The following HACD3 variants were observed in gnomAD, a reference collection of about 807,000 sequenced individuals.
The protein encoded by HACD3 is very-long-chain (3R)-3-hydroxyacyl-CoA dehydratase 3.
In HACD3, 30 loss-of-function variants were observed where a neutral mutation model predicts 55.2. That is an observed-to-expected ratio of 0.54 (90% CI 0.41 to 0.74). HACD3 has a LOEUF of 0.74. Ranked by LOEUF, HACD3 falls within the 30% of genes least tolerant of loss-of-function variation. The probability of loss-of-function intolerance (pLI) is 0.00; values close to 1 mark genes in which losing one functional copy is unlikely to be tolerated. For missense variants in HACD3, 363 were observed against 440.1 expected (o/e 0.82, Z 1.57); for synonymous variants, 141 against 151.7 (o/e 0.93, Z 0.52).
intron 10 of HACD3, among the ~76,000 whole-genome samples, chr15:65,576,026 G>A (rs991931986): frequency 2.6e-5 from 4 of 152,184 alleles, no homozygotes; most frequent in African/African-American, 4.8e-5. Flanking sequence ...CCCAGGAGGC[G>A]GAGGTTGCAG....
intron 1 of HACD3, among the ~76,000 whole-genome samples, chr15:65,545,610 ATT>A (rs71139415): frequency 0.86 from 123,292 of 143,286 alleles, 53,811 homozygotes; most frequent in East Asian, 0.95. Context: ...GGCCCGGCTA[ATT>A]TTTTTTTTTT....
Position 65,547,404 on chromosome 15 carries a change from C to T in HACD3, c.88-4272C>T, listed in dbSNP as rs184862880. On this transcript the variant is annotated intron_variant, in intron 1 of 10. Coordinates refer to ENST00000261875, the MANE Select transcript of HACD3 (RefSeq NM_016395.4). ...TGCTGGGATTACAGGCATGAGCCAC[C>T]GCGCCCGGCCAAGTACCCATGATTT... 2.4e-4 allele frequency among the ~76,000 whole-genome samples: 36 copies of T among 152,306 alleles called. No individual in the cohort carries two copies. The East Asian group carries it at 5.0e-3, about 21-fold the overall frequency.
intron 7 of HACD3, among the ~76,000 whole-genome samples, chr15:65,568,515 C>T (rs147610601): frequency 1.8e-3 from 267 of 151,894 alleles, no homozygotes; most frequent in African/African-American, 5.9e-3. Flanking sequence ...TCTGCCACCA[C>T]GCCTGGCTAA....
chr15:65,570,146 A>G lies in HACD3; in HGVS notation c.716A>G (p.Gln239Arg), dbSNP rs916718280. ...FIIFGTMEEM[Q>R]NKAVVFFVFY... The stretch of plus-strand genomic sequence containing the variant: ...ATCTTTGGCACCATGGAAGAAATGC[A>G]GAACAAAGCTGTGGTTTTCTTTGTG... Residue 239 changes from glutamine (Q) to arginine (R), a missense_variant, in exon 8 of 11, where the codon CAG (glutamine) becomes CGG (arginine). Transcript: ENST00000261875. The G allele has an allele frequency of 9.3e-6, 15 of 1,613,210 alleles. No homozygotes were observed. Among genetic ancestry groups the G allele is most frequent in the Non-Finnish European group, 1.2e-5 (14 of 1,179,504 alleles).
intron 1 of HACD3, among the ~76,000 whole-genome samples, chr15:65,539,391 A>G (rs1235471575): frequency 5.3e-5 from 8 of 151,362 alleles, no homozygotes; most frequent in Non-Finnish European, 8.8e-5. Context: ...CTGCTAATTT[A>G]TGTATTTTTA....
chr15:65,575,464 G>T (rs955103268), intron 10 of HACD3, among the ~76,000 whole-genome samples: 2 of 151,972 alleles, frequency 1.3e-5, no homozygotes, highest in African/African-American at 4.8e-5. Flanking sequence ...CTGAGATTAC[G>T]GTCGTGAGCC....
At chr15:65,548,894 G>T (rs2072103577) in intron 1 of HACD3, among the ~76,000 whole-genome samples, 1 of 152,102 alleles carries the variant, frequency 6.6e-6, no homozygotes, top group South Asian at 2.1e-4. Flanking sequence ...TTTTTTAAAA[G>T]AATTAGAGAC....
At chr15:65,540,370 CTAGA>C (rs1366798751) in intron 1 of HACD3, among the ~76,000 whole-genome samples, 1 of 152,030 alleles carries the variant, frequency 6.6e-6, no homozygotes, top group Non-Finnish European at 1.5e-5. Context: ...AAATAATTAC[CTAGA>C]TAAAGTGCTA....
At chr15:65,554,227 CGT>C (rs542734096) in intron 2 of HACD3, among the ~76,000 whole-genome samples, 223 of 152,244 alleles carry the variant, frequency 1.5e-3, no homozygotes, top group Non-Finnish European at 2.4e-3. Context: ...AATTTATATC[CGT>C]GTGGCTCCTT....
intron 1 of HACD3, among the ~76,000 whole-genome samples, chr15:65,535,525 G>A (rs1339754308): frequency 6.6e-6 from 1 of 152,180 alleles, no homozygotes; most frequent in Non-Finnish European, 1.5e-5. Flanking sequence ...AGATAATGCG[G>A]TTTTGACAAA....
At chr15:65,546,636 C>G (rs2072079900) in intron 1 of HACD3, among the ~76,000 whole-genome samples, 1 of 151,960 alleles carries the variant, frequency 6.6e-6, no homozygotes, top group African/African-American at 2.4e-5. Flanking sequence ...GCTCTGTCAC[C>G]CAGGCTGGAG....
In HACD3 at chr15:65,561,476, GA is replaced by G. The variant is rs569308292; in HGVS notation, c.422-1288del. ...GCAAGACTCTGTCTCAAAAAAAAAA[GA>G]AAAAAAAAATTGAGCCGGAGCTGAG... On this transcript the variant is annotated intron_variant, in intron 5 of 10. Coordinates refer to ENST00000261875, the MANE Select transcript of HACD3 (RefSeq NM_016395.4). Among the ~76,000 whole-genome samples the G allele has an allele frequency of 1.0e-4, 15 of 147,600 alleles. No homozygotes were observed. The South Asian group carries it at 1.3e-3, about 13-fold the overall frequency.
intron 1 of HACD3, among the ~76,000 whole-genome samples, chr15:65,548,295 G>C (rs142602307): frequency 6.6e-6 from 1 of 152,076 alleles, no homozygotes; most frequent in African/African-American, 2.4e-5. Flanking sequence ...GATTACTTGA[G>C]CCCAGGAGTT....
At chr15:65,543,967 G>T (rs1446177055) in intron 1 of HACD3, among the ~76,000 whole-genome samples, 2 of 152,124 alleles carry the variant, frequency 1.3e-5, no homozygotes, top group African/African-American at 4.8e-5. Context: ...ACAAGGTCAG[G>T]AGATCAAGAC....
chr15:65,543,499 T>C (rs762080574), intron 1 of HACD3, among the ~76,000 whole-genome samples: 7 of 152,160 alleles, frequency 4.6e-5, no homozygotes, highest in Non-Finnish European at 1.0e-4. Flanking sequence ...ATTAGGAAGC[T>C]TTTCACTGTA....
At chr15:65,552,836 T>C (rs994779550) in intron 2 of HACD3, among the ~76,000 whole-genome samples, 17 of 151,206 alleles carry the variant, frequency 1.1e-4, no homozygotes, top group African/African-American at 4.1e-4. Context: ...ATGCTATCCC[T>C]CCCCACTCCC....
Position 65,537,934 on chromosome 15 carries a change from GAAAAAAAAAAAA to G in HACD3, c.87+7230_87+7241del, listed in dbSNP as rs1167167112. ...GCCCACTGTTGAGGCCAACTTCTCAGAAAAAAAAAAAAAAAAAAAAAAAAATATATATATATA... is the reference window on the plus strand; with the variant it reads ...GCCCACTGTTGAGGCCAACTTCTCAGAAAAAAAAAAAAATATATATATATA... On this transcript the variant is annotated intron_variant, in intron 1 of 10. Transcript: ENST00000261875. Among the ~76,000 whole-genome samples the G allele has an allele frequency of 2.3e-3, 56 of 23,910 alleles. 1 individual carries two copies. The highest frequency in any genetic ancestry group is 4.7e-3 in the East Asian group (4 of 846). The allele number at this position is 23,910 out of a possible 152,430, so 15.7% of individuals were successfully genotyped here.
intron 7 of HACD3, among the ~76,000 whole-genome samples, chr15:65,569,261 A>AAC (rs2072325188): frequency 1.3e-5 from 2 of 151,058 alleles, no homozygotes; most frequent in Non-Finnish European, 2.9e-5. Context: ...AAAAAAAAAA[A>AAC]CAAGACCAAA....
At chr15:65,551,372 T>C (rs1322431904) in intron 1 of HACD3, among the ~76,000 whole-genome samples, 1 of 152,238 alleles carries the variant, frequency 6.6e-6, no homozygotes, top group Non-Finnish European at 1.5e-5. Flanking sequence ...TCCCGTGTCA[T>C]ATCTCACATA....
Sources: gnomAD v4.1 joint callset for allele counts (sites outside exome capture counted in the v4.1 genomes callset) on GRCh38, gnomAD v4.1.1 for gene constraint, MANE v1.5 for transcripts, NCBI Gene and HGNC (gene_info 2026-07-23, HGNC 2026-07-21) for gene names.